The following RBFOX1 variants were observed in gnomAD, a reference collection of about 807,000 sequenced individuals.
The protein encoded by RBFOX1 is RNA binding fox-1 homolog 1.
In RBFOX1, 8 loss-of-function variants were observed where a neutral mutation model predicts 57.7. The observed-to-expected ratio is 0.14, with a 90% CI of 0.08 to 0.25. The LOEUF is 0.25. Among genes scored for constraint, RBFOX1 ranks in the 10% least tolerant of loss-of-function variants. The pLI is 1.00. For synonymous variants in RBFOX1, 326 were observed against 222.4 expected (o/e 1.47, Z -4.15); for missense variants, 611 against 548.5 (o/e 1.11, Z -1.14).
intron 4 of RBFOX1, among the ~76,000 whole-genome samples, chr16:7,093,775 T>G (rs1033305580): frequency 6.6e-6 from 1 of 152,142 alleles, no homozygotes; most frequent in East Asian, 1.9e-4. Context: ...ATCAGTACTT[T>G]TTTGTGTTTT....
chr16:6,512,276 C>T (rs557605535), intron 2 of RBFOX1, among the ~76,000 whole-genome samples: 1 of 33,854 alleles, frequency 3.0e-5, no homozygotes. Flanking sequence ...AGAGCAAGAC[C>T]CTGTATCAAA....
At chr16:5,989,363 CA>C (rs2060346866) in intron 4 of RBFOX1, among the ~76,000 whole-genome samples, 1 of 151,794 alleles carries the variant, frequency 6.6e-6, no homozygotes, top group Admixed American at 6.6e-5. Flanking sequence ...AAAAAAACCC[CA>C]AAAAACTTAA....
At chr16:6,497,357 C>T (rs1365405333) in intron 2 of RBFOX1, among the ~76,000 whole-genome samples, 1 of 152,036 alleles carries the variant, frequency 6.6e-6, no homozygotes, top group African/African-American at 2.4e-5. Flanking sequence ...AGCTTGATGC[C>T]CTCCACAGAC....
At chr16:6,440,094 G>C (rs1179069782) in intron 2 of RBFOX1, among the ~76,000 whole-genome samples, 1 of 151,764 alleles carries the variant, frequency 6.6e-6, no homozygotes, top group East Asian at 2.0e-4. Flanking sequence ...GCACCACCAT[G>C]CCTGGCTAAT....
rs529785219 is a variant in RBFOX1, at chr16:7,240,214, G to A, written c.27+188116G>A. 9.2e-5 allele frequency among the ~76,000 whole-genome samples: 14 copies of A among 152,142 alleles called. No individual in the cohort carries two copies. The South Asian group carries it at 2.5e-3, about 27-fold the overall frequency. On this transcript the variant is annotated intron_variant, in intron 4 of 15. Coordinates refer to ENST00000550418, the MANE Select transcript of RBFOX1 (RefSeq NM_018723.4). The stretch of plus-strand genomic sequence containing the variant: ...ACTCCTGACCTCAGGTGATCCTCCC[G>A]CCTCGGCCTCCCAAACTGCTGGGAT...
chr16:6,904,466 T>C (rs1180620300), intron 3 of RBFOX1, among the ~76,000 whole-genome samples: 9 of 151,568 alleles, frequency 5.9e-5, no homozygotes, highest in Admixed American at 1.3e-4. Context: ...CTAGGTGTGG[T>C]GGTGGGTGCC....
chr16:6,533,201 C>G (rs748111928), intron 2 of RBFOX1, among the ~76,000 whole-genome samples: 1 of 152,204 alleles, frequency 6.6e-6, no homozygotes, highest in East Asian at 1.9e-4. Flanking sequence ...GAGTTGTGGA[C>G]AGATCAACTA....
intron 3 of RBFOX1, among the ~76,000 whole-genome samples, chr16:5,813,929 C>G (rs781267636): frequency 6.6e-6 from 1 of 152,166 alleles, no homozygotes; most frequent in Admixed American, 6.5e-5. Flanking sequence ...ATTGGCTTAT[C>G]GTAGGTGTTT....
At chr16:7,021,670 A>G (rs1411975114) in intron 3 of RBFOX1, among the ~76,000 whole-genome samples, 1 of 149,372 alleles carries the variant, frequency 6.7e-6, no homozygotes, top group South Asian at 2.1e-4. Context: ...CCCTCAGCCT[A>G]TTTGCACAGA....
chr16:5,286,393 G>A (rs1316664809), intron 1 of RBFOX1, among the ~76,000 whole-genome samples: 4 of 152,246 alleles, frequency 2.6e-5, no homozygotes, highest in East Asian at 1.9e-4. Context: ...GTAAGCTGGC[G>A]TTTCCTCAGG....
intron 1 of RBFOX1, among the ~76,000 whole-genome samples, chr16:6,214,680 G>A (rs1207496628): frequency 5.4e-5 from 6 of 110,094 alleles, no homozygotes; most frequent in Admixed American, 2.7e-4. Context: ...AGGGAGAAGG[G>A]GAGAGGGAGA....
chr16:5,535,273 G>C (rs1428480335), intron 2 of RBFOX1, among the ~76,000 whole-genome samples: 2 of 152,228 alleles, frequency 1.3e-5, no homozygotes, highest in Non-Finnish European at 2.9e-5. Context: ...AATCTCACCT[G>C]AATATCATCA....
chr16:7,329,207 G>A (rs2096652082), intron 4 of RBFOX1, among the ~76,000 whole-genome samples: 1 of 152,230 alleles, frequency 6.6e-6, no homozygotes, highest in East Asian at 1.9e-4. Context: ...GTGATGGGCA[G>A]AGCAGATGGC....
At chr16:6,380,674 T>C (rs998592110) in intron 2 of RBFOX1, among the ~76,000 whole-genome samples, 3 of 151,964 alleles carry the variant, frequency 2.0e-5, no homozygotes, top group Non-Finnish European at 4.4e-5. Flanking sequence ...ATGAGTGTCC[T>C]TGAACAAATC....
intron 4 of RBFOX1, among the ~76,000 whole-genome samples, chr16:7,321,898 A>C (rs1288189545): frequency 2.0e-5 from 3 of 152,076 alleles, no homozygotes; most frequent in Non-Finnish European, 2.9e-5. Flanking sequence ...TCGCAGAGAG[A>C]CCATCTTGCA....
At chr16:7,488,654 G>T (rs540521086) in intron 4 of RBFOX1, among the ~76,000 whole-genome samples, 1 of 151,796 alleles carries the variant, frequency 6.6e-6, no homozygotes, top group South Asian at 2.1e-4. Context: ...TTGTCTGTAC[G>T]TACATCAATC....
chr16:7,019,055 T>G (rs2035247), intron 3 of RBFOX1, among the ~76,000 whole-genome samples: 51,268 of 151,982 alleles, frequency 0.34, 12,503 homozygotes, highest in African/African-American at 0.68. Context: ...GGTTTCCTAG[T>G]TTTTAGAAGT....
chr16:7,136,307 G>C (rs116438055), intron 4 of RBFOX1, among the ~76,000 whole-genome samples: 3,748 of 151,744 alleles, frequency 0.025, 156 homozygotes, highest in African/African-American at 0.086. Flanking sequence ...TCTCATATTA[G>C]CCACATCTCA....
chr16:5,611,404 A>C (rs1484632261), intron 3 of RBFOX1: 3 of 152,146 alleles, frequency 2.0e-5, no homozygotes, highest in Non-Finnish European at 4.4e-5. Context: ...CAGTGCCTGC[A>C]CGTGTAAGAG....
Sources: allele counts gnomAD v4.1 joint callset (sites outside exome capture counted in the v4.1 genomes callset), GRCh38; gene constraint gnomAD v4.1.1; transcripts MANE v1.5; gene names NCBI Gene and HGNC (gene_info 2026-07-23, HGNC 2026-07-21).